Variants in SPOCK1 observed in about 807,000 individuals in gnomAD.
The protein encoded by SPOCK1 is testican-1.
Under a neutral mutation model 55.3 loss-of-function variants are expected in SPOCK1, and 23 were observed. The observed-to-expected ratio is 0.42, with a 90% confidence interval of 0.30 to 0.59. The LOEUF (loss-of-function observed/expected upper bound fraction) is 0.59, where lower values mean the gene tolerates loss of function less well. Ranked by LOEUF, SPOCK1 falls within the 20% of genes least tolerant of loss-of-function variation. The probability of loss-of-function intolerance (pLI) is 0.22; values close to 1 mark genes in which losing one functional copy is unlikely to be tolerated. For missense variants in SPOCK1, 499 were observed against 552.5 expected (o/e 0.90, Z 0.97); for synonymous variants, 226 against 221.0 (o/e 1.02, Z -0.20).
At chr5:137,332,991 A>C (rs1199396330) in intron 2 of SPOCK1, among the ~76,000 whole-genome samples, 1 of 152,212 alleles carries the variant, frequency 6.6e-6, no homozygotes, top group Non-Finnish European at 1.5e-5. Flanking sequence ...ATAGATGTCA[A>C]AAGCCAGAGC....
chr5:137,154,084 T>C (rs554559950), intron 3 of SPOCK1, among the ~76,000 whole-genome samples: 1 of 151,696 alleles, frequency 6.6e-6, no homozygotes, highest in East Asian at 2.0e-4. Flanking sequence ...GGTTGGGAGT[T>C]CAAGACCACC....
chr5:137,343,369 T>TC (rs1750481420), intron 2 of SPOCK1, among the ~76,000 whole-genome samples: 2 of 152,282 alleles, frequency 1.3e-5, no homozygotes, highest in East Asian at 3.9e-4. Flanking sequence ...CCAGCTCTTC[T>TC]CCCCACAAGG....
chr5:136,987,886 T>G (rs1750873921), intron 8 of SPOCK1, among the ~76,000 whole-genome samples: 2 of 152,216 alleles, frequency 1.3e-5, no homozygotes, highest in Admixed American at 1.3e-4. Context: ...CTGTCTGACT[T>G]TGGGTTATAT....
chr5:137,051,029 T>C (rs1752196267), intron 6 of SPOCK1, among the ~76,000 whole-genome samples: 1 of 152,216 alleles, frequency 6.6e-6, no homozygotes, highest in African/African-American at 2.4e-5. Context: ...TAAATATCAT[T>C]TCTTTAAAGT....
chr5:137,264,487 C>T (rs542357856), intron 3 of SPOCK1, among the ~76,000 whole-genome samples: 1 of 152,264 alleles, frequency 6.6e-6, no homozygotes, highest in East Asian at 1.9e-4. Context: ...CTACTCCACA[C>T]CCACCTCCAT....
chr5:137,319,837 C>G (rs1050035486), intron 2 of SPOCK1, among the ~76,000 whole-genome samples: 1 of 150,878 alleles, frequency 6.6e-6, no homozygotes, highest in African/African-American at 2.4e-5. Flanking sequence ...CCCAGCTACT[C>G]GGGAGGCTGA....
At chr5:137,081,264 C>A (rs539745699) in intron 5 of SPOCK1, among the ~76,000 whole-genome samples, 1 of 152,222 alleles carries the variant, frequency 6.6e-6, no homozygotes, top group Non-Finnish European at 1.5e-5. Context: ...CCTCGCTTAC[C>A]TACAGAGACT....
intron 3 of SPOCK1, among the ~76,000 whole-genome samples, chr5:137,156,227 C>A (rs888982472): frequency 5.9e-5 from 9 of 152,034 alleles, no homozygotes; most frequent in Non-Finnish European, 1.3e-4. Flanking sequence ...AGTATTGCTG[C>A]AAAAATGAGG....
chr5:137,327,741 A>G (rs1758103828), intron 2 of SPOCK1, among the ~76,000 whole-genome samples: 1 of 151,576 alleles, frequency 6.6e-6, no homozygotes, highest in African/African-American at 2.4e-5. Flanking sequence ...ATAAAAACAC[A>G]TAGCTCTTAG....
At chr5:137,003,983 AAC>A (rs1337151698) in intron 6 of SPOCK1, among the ~76,000 whole-genome samples, 2 of 152,090 alleles carry the variant, frequency 1.3e-5, no homozygotes, top group African/African-American at 4.8e-5. Flanking sequence ...GAATGCAGAG[AAC>A]CATGAGCTCC....
At chr5:137,041,144 G>GA (rs1049531315) in intron 6 of SPOCK1, among the ~76,000 whole-genome samples, 9 of 151,788 alleles carry the variant, frequency 5.9e-5, no homozygotes, top group Admixed American at 2.0e-4. Context: ...GGTTGTGGTG[G>GA]AAAAAAAATA....
intron 2 of SPOCK1, among the ~76,000 whole-genome samples, chr5:137,313,029 C>T (rs1580861649): frequency 2.0e-5 from 3 of 152,030 alleles, no homozygotes; most frequent in African/African-American, 7.3e-5. Flanking sequence ...GCTGTCTTCC[C>T]CGTGCAGCTC....
chr5:137,165,913 T>TA (rs796832604), intron 3 of SPOCK1, among the ~76,000 whole-genome samples: 23 of 151,526 alleles, frequency 1.5e-4, no homozygotes, highest in African/African-American at 4.8e-4. Flanking sequence ...ATAAAAGATC[T>TA]AAAAAAAATA....
At chr5:136,999,658 T>TA (rs1384043531) in intron 6 of SPOCK1, among the ~76,000 whole-genome samples, 1 of 152,106 alleles carries the variant, frequency 6.6e-6, no homozygotes, top group Non-Finnish European at 1.5e-5. Context: ...ATCAGTGGGA[T>TA]AAAAAACATT....
intron 2 of SPOCK1, among the ~76,000 whole-genome samples, chr5:137,374,124 T>TA (rs1270887930): frequency 6.6e-6 from 1 of 152,260 alleles, no homozygotes; most frequent in Non-Finnish European, 1.5e-5. Context: ...AATTGTCACC[T>TA]ATTGTTATTA....
chr5:137,269,718 T>C (rs1756922875), intron 2 of SPOCK1, among the ~76,000 whole-genome samples: 1 of 152,050 alleles, frequency 6.6e-6, no homozygotes, highest in Non-Finnish European at 1.5e-5. Flanking sequence ...AAGCCAAAGA[T>C]AAAAGACAAA....
intron 4 of SPOCK1, among the ~76,000 whole-genome samples, chr5:137,119,049 T>A (rs1753641243): frequency 6.6e-6 from 1 of 152,178 alleles, no homozygotes; most frequent in African/African-American, 2.4e-5. Context: ...AAGGCATACA[T>A]AACCAGTCCT....
At chr5:137,127,102 G>T in intron 4 of SPOCK1, among the ~76,000 whole-genome samples, 1 of 152,310 alleles carries the variant, frequency 6.6e-6, no homozygotes, top group South Asian at 2.1e-4. Flanking sequence ...AGATTAGTAT[G>T]GGTCAGCCAT....
chr5:137,060,148 C>T (rs955025713), intron 6 of SPOCK1, among the ~76,000 whole-genome samples: 3 of 152,064 alleles, frequency 2.0e-5, no homozygotes, highest in East Asian at 1.9e-4. Flanking sequence ...CACCTGCATA[C>T]GTCTGTTCAT....
Sources: gnomAD v4.1 joint callset for allele counts (sites outside exome capture counted in the v4.1 genomes callset) on GRCh38, gnomAD v4.1.1 for gene constraint, MANE v1.5 for transcripts, NCBI Gene and HGNC (gene_info 2026-07-23, HGNC 2026-07-21) for gene names.